The following FMNL2 variants were observed in gnomAD, a reference collection of about 807,000 sequenced individuals.
The protein encoded by FMNL2 is formin-like protein 2.
FMNL2 carries 51 observed loss-of-function variants against 130.2 expected under a neutral mutation model. The observed-to-expected ratio is 0.39, with a 90% CI of 0.31 to 0.49. The LOEUF (loss-of-function observed/expected upper bound fraction) is 0.49, where lower values mean the gene tolerates loss of function less well. Among genes scored for constraint, FMNL2 ranks in the 20% least tolerant of loss-of-function variants. The probability of loss-of-function intolerance (pLI) is 0.85; values close to 1 mark genes in which losing one functional copy is unlikely to be tolerated. For synonymous variants in FMNL2, 465 were observed against 467.1 expected (o/e 1.00, Z 0.06); for missense variants, 977 against 1,316.2 (o/e 0.74, Z 3.99).
At chr2:152,362,121 A>T (rs1472993458) in intron 1 of FMNL2, among the ~76,000 whole-genome samples, 1 of 152,164 alleles carries the variant, frequency 6.6e-6, no homozygotes, top group Non-Finnish European at 1.5e-5. Context: ...TCATGAACAT[A>T]CTTTCATATC....
At chr2:152,412,446 T>TA (rs1686344924) in intron 1 of FMNL2, among the ~76,000 whole-genome samples, 7 of 103,202 alleles carry the variant, frequency 6.8e-5, no homozygotes, top group African/African-American at 2.6e-4. Context: ...TCTGTATATT[T>TA]TATATATATA....
intron 1 of FMNL2, among the ~76,000 whole-genome samples, chr2:152,461,095 A>C (rs573378023): frequency 6.0e-4 from 92 of 152,298 alleles, no homozygotes; most frequent in African/African-American, 2.1e-3. Context: ...GAAAAGAGTA[A>C]TATGACCTCT....
At chr2:152,340,685 G>T (rs1392454912) in intron 1 of FMNL2, among the ~76,000 whole-genome samples, 1 of 151,776 alleles carries the variant, frequency 6.6e-6, no homozygotes, top group Non-Finnish European at 1.5e-5. Context: ...TCAAGTTGTT[G>T]TTTTTTTTGT....
Position 152,639,952 on chromosome 2 carries a change from AC to A in FMNL2, c.2947-3del, listed in dbSNP as rs1351386313. On this transcript the variant is annotated splice_polypyrimidine_tract_variant and splice_region_variant and intron_variant, in intron 23 of 25. Coordinates refer to ENST00000288670, the MANE Select transcript of FMNL2 (RefSeq NM_052905.4). Reference sequence around the variant, plus strand: ...ATCATCTTTCTGGTTCTTTTGATTTACCCAGCAAGCAGAAGAGGAAAATGAG... The same window carrying A: ...ATCATCTTTCTGGTTCTTTTGATTTACCAGCAAGCAGAAGAGGAAAATGAG... 2 of 1,545,476 alleles carry A rather than the reference AC, an allele frequency of 1.3e-6. No homozygotes were observed. Among genetic ancestry groups the A allele is most frequent in the Non-Finnish European group, 1.7e-6 (2 of 1,147,066 alleles).
At chr2:152,554,836 A>G (rs1316882723) in intron 4 of FMNL2, among the ~76,000 whole-genome samples, 2 of 152,202 alleles carry the variant, frequency 1.3e-5, no homozygotes, top group African/African-American at 4.8e-5. Context: ...CCATGAAAAA[A>G]TGGCTAGTTC....
At chr2:152,349,200 AG>A (rs1490699923) in intron 1 of FMNL2, among the ~76,000 whole-genome samples, 1 of 152,128 alleles carries the variant, frequency 6.6e-6, no homozygotes, top group Non-Finnish European at 1.5e-5. Context: ...AAGTTATATA[AG>A]AAGGTGGTGA....
chr2:152,340,167 C>A (rs1431935819), intron 1 of FMNL2, among the ~76,000 whole-genome samples: 1 of 152,106 alleles, frequency 6.6e-6, no homozygotes, highest in Admixed American at 6.5e-5. Context: ...GCCTGGGTGA[C>A]AAAGTAAGAC....
intron 1 of FMNL2, among the ~76,000 whole-genome samples, chr2:152,465,195 G>T (rs1343300249): frequency 1.3e-5 from 2 of 152,240 alleles, no homozygotes; most frequent in African/African-American, 4.8e-5. Context: ...ACTCCCCTCT[G>T]ACTAGTGGGA....
At chr2:152,643,013 A>AAAAAC (rs913153057) in intron 25 of FMNL2, among the ~76,000 whole-genome samples, 2 of 152,164 alleles carry the variant, frequency 1.3e-5, no homozygotes, top group Non-Finnish European at 2.9e-5. Flanking sequence ...TGTCTCAAAA[A>AAAAAC]AAAACAAAAC....
At chr2:152,596,914 A>G (rs556328191) in intron 9 of FMNL2, among the ~76,000 whole-genome samples, 36 of 152,336 alleles carry the variant, frequency 2.4e-4, no homozygotes, top group Admixed American at 1.4e-3. Context: ...AGAATCCGAA[A>G]TCGTATCGAT....
intron 10 of FMNL2, among the ~76,000 whole-genome samples, chr2:152,610,052 A>G (rs12052694): frequency 0.17 from 26,039 of 152,122 alleles, 2,356 homozygotes; most frequent in East Asian, 0.24. Flanking sequence ...GTGGGGAGAA[A>G]GCAGTAAATC....
In FMNL2 at chr2:152,426,661, G is replaced by A. The variant is rs1340337706; in HGVS notation, c.117+90941G>A. Among the ~76,000 whole-genome samples, 6 of 151,894 alleles carry A rather than the reference G, an allele frequency of 4.0e-5. No homozygotes were observed. In the South Asian group the frequency reaches 1.0e-3, roughly 26 times the overall value. On this transcript the variant is annotated intron_variant, in intron 1 of 25. Coordinates refer to ENST00000288670, the MANE Select transcript of FMNL2 (RefSeq NM_052905.4). ...TTTTCAAAGCTCCCCAGATGATTCT[G>A]ATGGGCAGCTGATACTGAGATTTTT...
intron 1 of FMNL2, among the ~76,000 whole-genome samples, chr2:152,504,930 T>C (rs1024215146): frequency 7.2e-5 from 11 of 152,136 alleles, no homozygotes; most frequent in Non-Finnish European, 1.5e-4. Context: ...AATACTGACG[T>C]GTAAGGAAAA....
intron 2 of FMNL2, among the ~76,000 whole-genome samples, chr2:152,523,504 T>G (rs910046894): frequency 6.6e-6 from 1 of 152,258 alleles, no homozygotes; most frequent in Non-Finnish European, 1.5e-5. Flanking sequence ...TAAACTTTTG[T>G]AAATTATCAT....
chr2:152,614,516 G>A (rs143849058), intron 11 of FMNL2, among the ~76,000 whole-genome samples: 2,716 of 152,136 alleles, frequency 0.018, 72 homozygotes, highest in African/African-American at 0.061. Context: ...AGGCTGAGCC[G>A]GGTGGATCAC....
chr2:152,616,280 G>A (rs1698941255), intron 12 of FMNL2, among the ~76,000 whole-genome samples: 1 of 148,934 alleles, frequency 6.7e-6, no homozygotes, highest in South Asian at 2.1e-4. Flanking sequence ...CAATCTATTT[G>A]AATGGCCTCC....
intron 9 of FMNL2, among the ~76,000 whole-genome samples, chr2:152,590,126 T>C (rs1049153360): frequency 6.6e-6 from 1 of 150,588 alleles, no homozygotes; most frequent in Non-Finnish European, 1.5e-5. Flanking sequence ...CCTTAAGCAG[T>C]CCTCCTACCT....
intron 1 of FMNL2, among the ~76,000 whole-genome samples, chr2:152,508,585 C>T (rs1378668272): frequency 3.3e-5 from 5 of 152,018 alleles, no homozygotes; most frequent in East Asian, 1.9e-4. Context: ...GTGATGGGGG[C>T]GGAGTTGTTA....
At chr2:152,580,890 G>A in intron 8 of FMNL2, 66 bp from the exon 9 acceptor site, 1 of 1,411,328 alleles carries the variant, frequency 7.1e-7, no homozygotes. Flanking sequence ...ATCTTGGAAG[G>A]AAGAAACAGC....
Sources: allele counts gnomAD v4.1 joint callset (sites outside exome capture counted in the v4.1 genomes callset), GRCh38; gene constraint gnomAD v4.1.1; transcripts MANE v1.5; gene names NCBI Gene and HGNC (gene_info 2026-07-23, HGNC 2026-07-21).